The following TSPAN12 variants were observed in gnomAD, a reference collection of about 807,000 sequenced individuals.
TSPAN12 encodes the protein tetraspanin-12.
A neutral mutation model predicts 39.2 loss-of-function variants in TSPAN12; 19 were observed. That is an observed-to-expected ratio of 0.49 (90% CI 0.34 to 0.71). TSPAN12 has a LOEUF of 0.71. TSPAN12 is among the 30% of genes least tolerant of loss of function. The probability of loss-of-function intolerance (pLI) is 0.01; values close to 1 mark genes in which losing one functional copy is unlikely to be tolerated. For missense variants in TSPAN12, 314 were observed against 359.9 expected, an observed-to-expected ratio of 0.87 and a Z score of 1.03; for synonymous variants, 119 against 124.8, an observed-to-expected ratio of 0.95 and a Z score of 0.31.
intron 7 of TSPAN12, among the ~76,000 whole-genome samples, chr7:120,793,447 A>C (rs1793572563): frequency 6.6e-6 from 1 of 152,222 alleles, no homozygotes; most frequent in African/African-American, 2.4e-5. Context: ...CAGGTAGGCA[A>C]GTATGCTTTG....
chr7:120,829,917 A>G (rs1794359759), intron 4 of TSPAN12, among the ~76,000 whole-genome samples: 1 of 152,204 alleles, frequency 6.6e-6, no homozygotes, highest in African/African-American at 2.4e-5. Context: ...GAAGAAAGAC[A>G]AAGTTCCAAT....
intron 5 of TSPAN12, among the ~76,000 whole-genome samples, chr7:120,811,377 T>C (rs1430824418): frequency 1.3e-5 from 2 of 151,910 alleles, no homozygotes; most frequent in East Asian, 1.9e-4. Context: ...ATAAAGAAAA[T>C]GTATATATCA....
chr7:120,829,570 G>C (rs1274652613), intron 4 of TSPAN12, among the ~76,000 whole-genome samples: 3 of 152,072 alleles, frequency 2.0e-5, no homozygotes, highest in African/African-American at 4.8e-5. Flanking sequence ...GTTTGCCAAA[G>C]GAAGTTAGTA....
chr7:120,850,433 C>T (rs927984208), intron 2 of TSPAN12, among the ~76,000 whole-genome samples: 5 of 152,202 alleles, frequency 3.3e-5, no homozygotes, highest in African/African-American at 1.2e-4. Context: ...TAAAATGCCT[C>T]ATTCTACATG....
chr7:120,792,602 G>A (rs983973727), intron 7 of TSPAN12, among the ~76,000 whole-genome samples: 1 of 152,176 alleles, frequency 6.6e-6, no homozygotes, highest in Non-Finnish European at 1.5e-5. Context: ...CTTGGTAAAG[G>A]CCGGGAGACT....
intron 7 of TSPAN12, 25 bp from the exon 8 acceptor site, chr7:120,788,922 A>G: frequency 2.5e-6 from 4 of 1,612,584 alleles, no homozygotes; most frequent in Non-Finnish European, 3.4e-6. Context: ...CATGGTCAAC[A>G]TTACTTTAGA....
intron 2 of TSPAN12, among the ~76,000 whole-genome samples, chr7:120,851,698 T>C (rs1028160455): frequency 2.6e-5 from 4 of 152,154 alleles, no homozygotes; most frequent in Admixed American, 2.6e-4. Context: ...TAAAAGCGTA[T>C]AAATTTGAAG....
chr7:120,855,104 C>T (rs1283899414), intron 2 of TSPAN12, among the ~76,000 whole-genome samples: 4 of 152,108 alleles, frequency 2.6e-5, no homozygotes, highest in African/African-American at 9.7e-5. Flanking sequence ...TTTTTTCCCA[C>T]ACAATGTAAA....
intron 7 of TSPAN12, among the ~76,000 whole-genome samples, chr7:120,800,744 G>GTTTTTTTTTTTTTTTT (rs148802163): frequency 3.4e-5 from 4 of 118,738 alleles, no homozygotes; most frequent in Non-Finnish European, 5.1e-5. Context: ...TTTCCTTATC[G>GTTTTTTTTTTTTTTTT]TTTTTTTTTG....
At chr7:120,840,656 T>C (rs554466535) in intron 2 of TSPAN12, among the ~76,000 whole-genome samples, 9 of 152,338 alleles carry the variant, frequency 5.9e-5, no homozygotes, top group African/African-American at 2.2e-4. Context: ...GTATATAAAC[T>C]CATAATGAAC....
chr7:120,830,341 A>C (rs1794367520), intron 4 of TSPAN12, among the ~76,000 whole-genome samples: 2 of 152,140 alleles, frequency 1.3e-5, no homozygotes, highest in South Asian at 4.1e-4. Flanking sequence ...AAATAGCCAA[A>C]GTAACCCTGA....
At chr7:120,799,743 A>G (rs2116323408) in intron 7 of TSPAN12, among the ~76,000 whole-genome samples, 1 of 131,886 alleles carries the variant, frequency 7.6e-6, no homozygotes, top group South Asian at 2.2e-4. Context: ...ATTTATTTAT[A>G]TATATAATTT....
chr7:120,822,853 C>T (rs1259931089), intron 4 of TSPAN12, among the ~76,000 whole-genome samples: 1 of 152,106 alleles, frequency 6.6e-6, no homozygotes, highest in East Asian at 1.9e-4. Flanking sequence ...AAGTACAGTA[C>T]TAGAAACACA....
chr7:120,790,548 T>C (rs1000119894), intron 7 of TSPAN12, among the ~76,000 whole-genome samples: 1 of 152,146 alleles, frequency 6.6e-6, no homozygotes, highest in African/African-American at 2.4e-5. Flanking sequence ...CAGATATTAA[T>C]GGAAAAGTAC....
chr7:120,809,445 A>G (rs542026088), intron 6 of TSPAN12, among the ~76,000 whole-genome samples: 1 of 152,274 alleles, frequency 6.6e-6, no homozygotes, highest in South Asian at 2.1e-4. Flanking sequence ...ATAAACAGGA[A>G]ATCTGTGTTA....
At chr7:120,849,608 T>C (rs1185324632) in intron 2 of TSPAN12, among the ~76,000 whole-genome samples, 1 of 152,200 alleles carries the variant, frequency 6.6e-6, no homozygotes, top group Non-Finnish European at 1.5e-5. Context: ...GAGAGGAACA[T>C]AAAAGACCTG....
intron 7 of TSPAN12, among the ~76,000 whole-genome samples, chr7:120,794,351 A>G (rs1793590043): frequency 6.6e-6 from 1 of 152,162 alleles, no homozygotes; most frequent in South Asian, 2.1e-4. Flanking sequence ...TGTAATCCAC[A>G]GTGTTGGAAG....
At chr7:120,837,473 G>T (rs913963638) in intron 4 of TSPAN12, among the ~76,000 whole-genome samples, 1 of 151,860 alleles carries the variant, frequency 6.6e-6, no homozygotes, top group African/African-American at 2.4e-5. Context: ...CAACATGCCC[G>T]GCTAATTTTT....
chr7:120,790,179 G>T (rs1584918395), intron 7 of TSPAN12, among the ~76,000 whole-genome samples: 1 of 152,128 alleles, frequency 6.6e-6, no homozygotes, highest in Admixed American at 6.5e-5. Context: ...CTCACTCCTT[G>T]TGTGTTCGCA....
Sources: gnomAD v4.1 joint callset for allele counts (sites outside exome capture counted in the v4.1 genomes callset) on GRCh38, gnomAD v4.1.1 for gene constraint, MANE v1.5 for transcripts, NCBI Gene and HGNC (gene_info 2026-07-23, HGNC 2026-07-21) for gene names.